Variants in ARFGEF3 observed in about 807,000 individuals in gnomAD.
The protein encoded by ARFGEF3 is ARFGEF family member 3, also known as brefeldin A-inhibited guanine nucleotide-exchange protein 3.
ARFGEF3 carries 96 observed loss-of-function variants against 221.7 expected under a neutral mutation model. The ratio of observed to expected loss-of-function variants is 0.43; its 90% confidence interval spans 0.37 to 0.51. The LOEUF (loss-of-function observed/expected upper bound fraction) is 0.51, where lower values mean the gene tolerates loss of function less well. Among genes scored for constraint, ARFGEF3 ranks in the 20% least tolerant of loss-of-function variants. ARFGEF3 has a pLI of 0.00. For missense variants in ARFGEF3, 2,410 were observed against 2,789.9 expected, an observed-to-expected ratio of 0.86 and a Z score of 3.07; for synonymous variants, 1,145 against 1,126.8, an observed-to-expected ratio of 1.02 and a Z score of -0.32.
chr6:138,276,919 G>C (rs771794383), intron 12 of ARFGEF3, among the ~76,000 whole-genome samples: 1 of 152,142 alleles, frequency 6.6e-6, no homozygotes, highest in Non-Finnish European at 1.5e-5. Flanking sequence ...GCCTGCCTTG[G>C]CCTCCAAAAG....
chr6:138,250,638 T>C (rs112841720), intron 8 of ARFGEF3, among the ~76,000 whole-genome samples: 19 of 152,346 alleles, frequency 1.2e-4, no homozygotes, highest in African/African-American at 4.3e-4. Flanking sequence ...CAAAACGTGC[T>C]AGGCTGCCCT....
intron 2 of ARFGEF3, among the ~76,000 whole-genome samples, chr6:138,182,042 A>G (rs193046545): frequency 7.2e-5 from 11 of 152,226 alleles, no homozygotes; most frequent in African/African-American, 2.2e-4. Flanking sequence ...GCAGACTAGA[A>G]TCATGTGTTG....
chr6:138,166,577 G>A (rs77842524), intron 1 of ARFGEF3, among the ~76,000 whole-genome samples: 3,330 of 152,246 alleles, frequency 0.022, 122 homozygotes, highest in African/African-American at 0.075. Context: ...GAGGAATGGC[G>A]TGGCCAGGGA....
chr6:138,261,975 A>G (rs1200633552), intron 11 of ARFGEF3, among the ~76,000 whole-genome samples: 3 of 152,190 alleles, frequency 2.0e-5, no homozygotes, highest in African/African-American at 7.2e-5. Flanking sequence ...TAGGGCTTGT[A>G]ATAGTTGTAT....
At chr6:138,178,147 C>CT in intron 2 of ARFGEF3, among the ~76,000 whole-genome samples, 1 of 152,240 alleles carries the variant, frequency 6.6e-6, no homozygotes, top group Non-Finnish European at 1.5e-5. Flanking sequence ...GAAGATGTGA[C>CT]TATGATGTTG....
intron 4 of ARFGEF3, among the ~76,000 whole-genome samples, chr6:138,222,082 G>A (rs765904800): frequency 6.6e-6 from 1 of 152,162 alleles, no homozygotes; most frequent in Non-Finnish European, 1.5e-5. Flanking sequence ...AGGATCAGTG[G>A]CTCATCCTAG....
chr6:138,285,438 A>G (rs1433430931), intron 14 of ARFGEF3, among the ~76,000 whole-genome samples: 1 of 149,396 alleles, frequency 6.7e-6, no homozygotes, highest in Non-Finnish European at 1.5e-5. Context: ...TGGGCGACAG[A>G]GTGAGACTCC....
intron 10 of ARFGEF3, among the ~76,000 whole-genome samples, chr6:138,261,079 A>C (rs1778781657): frequency 6.6e-6 from 1 of 152,202 alleles, no homozygotes; most frequent in South Asian, 2.1e-4. Flanking sequence ...GCATTCAAGG[A>C]ACAGGGAATT....
At chr6:138,181,522 C>A (rs1291183722) in intron 2 of ARFGEF3, among the ~76,000 whole-genome samples, 1 of 152,234 alleles carries the variant, frequency 6.6e-6, no homozygotes. Flanking sequence ...GGGCTCACTG[C>A]AACCTCTGTC....
intron 11 of ARFGEF3, 65 bp from the exon 12 acceptor site, chr6:138,262,636 T>C: frequency 6.7e-7 from 1 of 1,482,462 alleles, no homozygotes; most frequent in Non-Finnish European, 9.2e-7. Flanking sequence ...ACACTCTTGT[T>C]CCTTTCAGAG....
chr6:138,285,382 C>A (rs1015598477), intron 14 of ARFGEF3, among the ~76,000 whole-genome samples: 1 of 148,946 alleles, frequency 6.7e-6, no homozygotes, highest in African/African-American at 2.5e-5. Flanking sequence ...ACCCAGGAGG[C>A]GGAACTTGCA....
At chr6:138,199,356 A>G (rs993350160) in intron 2 of ARFGEF3, among the ~76,000 whole-genome samples, 3 of 152,218 alleles carry the variant, frequency 2.0e-5, no homozygotes, top group Admixed American at 6.5e-5. Flanking sequence ...GAATCCTAGA[A>G]TTTTAGAGTA....
intron 32 of ARFGEF3, among the ~76,000 whole-genome samples, chr6:138,328,953 T>A (rs557422138): frequency 3.3e-5 from 5 of 152,236 alleles, no homozygotes; most frequent in African/African-American, 9.6e-5. Flanking sequence ...GCCACGATTA[T>A]GCCACTGCAC....
At chr6:138,271,319 AAAAT>A (rs1778999578) in intron 12 of ARFGEF3, among the ~76,000 whole-genome samples, 1 of 152,228 alleles carries the variant, frequency 6.6e-6, no homozygotes, top group Non-Finnish European at 1.5e-5. Context: ...AAGAAAACAC[AAAAT>A]AAATAATCAT....
chr6:138,192,768 A>G (rs994405180), intron 2 of ARFGEF3, among the ~76,000 whole-genome samples: 1 of 152,190 alleles, frequency 6.6e-6, no homozygotes, highest in Non-Finnish European at 1.5e-5. Context: ...TTCTTATCAG[A>G]TCATTCTAAC....
intron 28 of ARFGEF3, 40 bp from the exon 29 acceptor site, chr6:138,321,071 C>T: frequency 8.3e-7 from 1 of 1,211,480 alleles, no homozygotes; most frequent in Non-Finnish European, 1.2e-6. Context: ...CCCCTTTACA[C>T]TAGAGCTGTG....
At chr6:138,263,725 C>T in intron 12 of ARFGEF3, 114 bp downstream of exon 12, 2 of 1,019,988 alleles carry the variant, frequency 2.0e-6, no homozygotes, top group Non-Finnish European at 2.8e-6. Flanking sequence ...ATTAATGTAT[C>T]TTTGGGTTTC....
In ARFGEF3 at chr6:138,291,872, C is replaced by T. The variant is rs768180698; in HGVS notation, c.3187C>T (p.Pro1063Ser). Reference sequence around the variant, plus strand: ...GGACCCCGAGTGTGAGGGCTCGCCCCCCGAGCACAGCCCGGAGCAGGGGCG... The same window carrying T: ...GGACCCCGAGTGTGAGGGCTCGCCCTCCGAGCACAGCCCGGAGCAGGGGCG... ...LGDPECEGSP[P>S]EHSPEQGRSL... is the part of the protein sequence containing the mutation. The change falls in exon 19 of 34, where the codon CCC becomes TCC. Residue 1063 changes from proline (P) to serine (S), a missense_variant. Physicochemically the swap from Pro to Ser is moderately conservative, Grantham distance 74 (BLOSUM62 -1). Transcript: ENST00000251691. This position sits in a 1 kb window ranked among gnomAD's most constrained non-coding sequence, Gnocchi z 4.5. 4 of 1,499,420 alleles carry T rather than the reference C, an allele frequency of 2.7e-6. No individual in the cohort carries two copies. The highest frequency in any genetic ancestry group is 1.7e-4 in the Middle Eastern group (1 of 5,726). The allele number at this position is 1,499,420 out of a possible 1,614,324, so 92.9% of individuals were successfully genotyped here. A position where few individuals can be genotyped will look rare whatever the true frequency, so the allele number is the denominator to read the frequency against.
At chr6:138,226,788 C>T (rs145634920) in intron 4 of ARFGEF3, among the ~76,000 whole-genome samples, 39 of 152,200 alleles carry the variant, frequency 2.6e-4, no homozygotes, top group Middle Eastern at 3.4e-3. Context: ...TGTTTTAATC[C>T]GGCGAATTAA....
Sources: allele counts gnomAD v4.1 joint callset (sites outside exome capture counted in the v4.1 genomes callset), GRCh38; gene constraint gnomAD v4.1.1; non-coding constraint Gnocchi (gnomAD v3.1); transcripts MANE v1.5; gene names NCBI Gene and HGNC (gene_info 2026-07-23, HGNC 2026-07-21).